Variants in JMJD1C observed in about 807,000 individuals in gnomAD.
The protein encoded by JMJD1C is jumonji domain-containing protein 1C.
A neutral mutation model predicts 245.3 loss-of-function variants in JMJD1C; 31 were observed. That is an observed-to-expected ratio of 0.13 (90% CI 0.09 to 0.17). JMJD1C has a LOEUF of 0.17. Among genes scored for constraint, JMJD1C ranks in the 10% least tolerant of loss-of-function variants. JMJD1C has a pLI of 1.00. For missense variants in JMJD1C, 2,691 were observed against 3,000.2 expected (o/e 0.90, Z 2.41); for synonymous variants, 1,057 against 1,017.4 (o/e 1.04, Z -0.74).
At chr10:63,399,979 T>C (rs1948751645) in intron 1 of JMJD1C, among the ~76,000 whole-genome samples, 1 of 152,122 alleles carries the variant, frequency 6.6e-6, no homozygotes, top group African/African-American at 2.4e-5. Context: ...CATGAACACA[T>C]ACTCAAATAT....
At chr10:63,222,550 T>A (rs936738270) in intron 3 of JMJD1C, 1 of 1,553,906 alleles carries the variant, frequency 6.4e-7, no homozygotes, top group Admixed American at 1.7e-5. Context: ...TCAAATACTG[T>A]GAAAAACAGT....
chr10:63,487,131 T>C (rs185068112), intron 1 of JMJD1C, among the ~76,000 whole-genome samples: 10 of 152,234 alleles, frequency 6.6e-5, no homozygotes, highest in Admixed American at 4.6e-4. Flanking sequence ...AGGTATGATA[T>C]AGGAAGTCTG....
intron 2 of JMJD1C, among the ~76,000 whole-genome samples, chr10:63,265,800 G>A (rs147385316): frequency 1.9e-4 from 29 of 152,120 alleles, no homozygotes; most frequent in African/African-American, 6.8e-4. Context: ...GGTAATTTGT[G>A]TTAATATTTC....
chr10:63,225,630 T>C (rs1249506253), intron 3 of JMJD1C, among the ~76,000 whole-genome samples: 4 of 151,894 alleles, frequency 2.6e-5, no homozygotes, highest in Admixed American at 2.6e-4. Context: ...ATACAAAAAT[T>C]AGCCAGGTGT....
At chr10:63,482,204 T>C (rs1953852035) in intron 1 of JMJD1C, among the ~76,000 whole-genome samples, 1 of 152,190 alleles carries the variant, frequency 6.6e-6, no homozygotes, top group African/African-American at 2.4e-5. Flanking sequence ...ACTTTTTAAG[T>C]AGACGTTTCC....
intron 2 of JMJD1C, among the ~76,000 whole-genome samples, chr10:63,325,472 G>A (rs1273435300): frequency 8.5e-5 from 13 of 152,128 alleles, no homozygotes; most frequent in Admixed American, 8.5e-4. Context: ...CTCTGGAGTA[G>A]CTGAGACCAC....
chr10:63,172,826 G>C (rs1842499894), intron 24 of JMJD1C, among the ~76,000 whole-genome samples: 1 of 149,776 alleles, frequency 6.7e-6, no homozygotes, highest in Non-Finnish European at 1.5e-5. Context: ...CCTGGGGGAG[G>C]GGGGAAACAT....
chr10:63,221,556 G>A (rs964319510), intron 3 of JMJD1C, among the ~76,000 whole-genome samples: 5 of 152,104 alleles, frequency 3.3e-5, no homozygotes, highest in Non-Finnish European at 7.4e-5. Flanking sequence ...AAAGAAATGG[G>A]CATTAACATG....
chr10:63,217,116 T>G, intron 5 of JMJD1C, 91 bp downstream of exon 5: 2 of 1,161,600 alleles, frequency 1.7e-6, no homozygotes. Context: ...GAGATAAAAA[T>G]TATTTAGTAT....
intron 2 of JMJD1C, among the ~76,000 whole-genome samples, chr10:63,291,327 A>AC (rs1299229033): frequency 1.4e-5 from 2 of 148,120 alleles, no homozygotes; most frequent in Non-Finnish European, 3.0e-5. Flanking sequence ...AAAAAAAAAA[A>AC]AAAAAAGGGC....
At chr10:63,510,870 T>C (rs2133282768) in intron 1 of JMJD1C, among the ~76,000 whole-genome samples, 1 of 152,372 alleles carries the variant, frequency 6.6e-6, no homozygotes, top group African/African-American at 2.4e-5. Context: ...TCTGATGCTT[T>C]GTTGTTAGGC....
chr10:63,199,950 C>T (rs368198066), intron 11 of JMJD1C, among the ~76,000 whole-genome samples: 81 of 152,244 alleles, frequency 5.3e-4, no homozygotes, highest in African/African-American at 1.9e-3. Context: ...TAGGTACTAA[C>T]ATTTACATTT....
At chr10:63,343,399 T>C (rs1307542096) in intron 2 of JMJD1C, among the ~76,000 whole-genome samples, 3 of 151,094 alleles carry the variant, frequency 2.0e-5, no homozygotes, top group Admixed American at 1.3e-4. Flanking sequence ...CAGATTTTAA[T>C]GTATGCTAAC....
At chr10:63,454,844 C>T (rs1256737427) in intron 1 of JMJD1C, among the ~76,000 whole-genome samples, 1 of 152,210 alleles carries the variant, frequency 6.6e-6, no homozygotes, top group Non-Finnish European at 1.5e-5. Flanking sequence ...GGTGTAGTTT[C>T]ACATGTTCCT....
intron 2 of JMJD1C, among the ~76,000 whole-genome samples, chr10:63,326,078 G>A (rs985483600): frequency 6.6e-6 from 1 of 152,116 alleles, no homozygotes; most frequent in African/African-American, 2.4e-5. Flanking sequence ...ACGTAATGAA[G>A]TATCCACATA....
chr10:63,394,156 C>CA (rs1396574325), intron 1 of JMJD1C, among the ~76,000 whole-genome samples: 1 of 144,952 alleles, frequency 6.9e-6, no homozygotes, highest in African/African-American at 2.5e-5. Flanking sequence ...CACTGAACTC[C>CA]AGCCAGGGAG....
chr10:63,481,757 G>A (rs1240863820), intron 1 of JMJD1C, among the ~76,000 whole-genome samples: 2 of 152,088 alleles, frequency 1.3e-5, no homozygotes, highest in Non-Finnish European at 2.9e-5. Flanking sequence ...AAAATCAGGA[G>A]AGAAAACAAA....
rs370857097 is a variant in JMJD1C at position 63,247,628 on chromosome 10, A to C, written c.447+17023T>G. ...CATGCCTGTAGTCCCAGCTACTTGG[A>C]GGTTGAGGCAGGAGAATTGCTTGGG... On this transcript the variant is annotated intron_variant, in intron 3 of 25. Transcript: ENST00000399262. 8.6e-5 allele frequency among the ~76,000 whole-genome samples: 12 copies of C among 139,354 alleles called. No individual in the cohort carries two copies. The South Asian group carries it at 3.0e-3, about 35-fold the overall frequency. The allele number at this position is 139,354 out of a possible 152,430, so 91.4% of individuals were successfully genotyped here.
chr10:63,385,021 T>C (rs923438269), intron 1 of JMJD1C, among the ~76,000 whole-genome samples: 1 of 152,156 alleles, frequency 6.6e-6, no homozygotes, highest in African/African-American at 2.4e-5. Flanking sequence ...CTTGAAAACA[T>C]ACAGGCAACT....
Sources: gnomAD v4.1 joint callset for allele counts (sites outside exome capture counted in the v4.1 genomes callset) on GRCh38, gnomAD v4.1.1 for gene constraint, MANE v1.5 for transcripts, NCBI Gene and HGNC (gene_info 2026-07-23, HGNC 2026-07-21) for gene names.